The following CD300A variants were observed in gnomAD, a reference collection of about 807,000 sequenced individuals.
CD300A encodes CD300a molecule.
CD300A carries 22 observed loss-of-function variants against 33.6 expected under a neutral mutation model. That is an observed-to-expected ratio of 0.66 (90% CI 0.47 to 0.94). The LOEUF is 0.94. CD300A is among the 40% of genes least tolerant of loss of function. The pLI, the probability that CD300A is intolerant of heterozygous loss-of-function variation, is 0.00. For missense variants in CD300A, 326 were observed against 360.5 expected, an observed-to-expected ratio of 0.90 and a Z score of 0.77; for synonymous variants, 136 against 148.1, an observed-to-expected ratio of 0.92 and a Z score of 0.59.
chr17:74,473,539 G>C lies in CD300A; in HGVS notation c.44G>C (p.Cys15Ser), dbSNP rs141654515. 6.2e-7 allele frequency: 1 copy of C among 1,610,778 alleles called. No homozygotes were observed. Among genetic ancestry groups the C allele is most frequent in the African/African-American group, 1.3e-5 (1 of 74,864 alleles). ...GACTCTGGCTTGTGTTTTCCAGGATGTTTTGCTCTGAGCAAATGCAGGACC... is the reference window on the plus strand; with the variant it reads ...GACTCTGGCTTGTGTTTTCCAGGATCTTTTGCTCTGAGCAAATGCAGGACC... ...WALLLLWVPG[C>S]FALSKCRTVA... is the part of the protein sequence containing the mutation. The change falls in exon 2 of 7, where the codon TGT becomes TCT. Residue 15 changes from cysteine (C) to serine (S), a missense_variant. Coordinates refer to ENST00000360141, the MANE Select transcript of CD300A (RefSeq NM_007261.4).
chr17:74,481,922 G>T lies in CD300A; in HGVS notation c.774+89G>T, dbSNP rs1302645996. 40 of 915,694 alleles carry T rather than the reference G, an allele frequency of 4.4e-5. No individual in the cohort carries two copies. The South Asian group carries it at 5.7e-4, about 13-fold the overall frequency. The allele number at this position is 915,694 out of a possible 1,614,324, so 56.7% of individuals were successfully genotyped here. ...GGGTGGGCAGAAGGGGAAGGAAGGG[G>T]TCGGCTTGGTGATCTTGTGCCTGTC... On this transcript the variant is annotated intron_variant, in intron 6 of 6. Transcript: ENST00000360141.
Position 74,479,204 on chromosome 17 carries a change from T to C in CD300A, c.628+1674T>C, listed in dbSNP as rs115103185. Among the ~76,000 whole-genome samples, 762 of 152,258 alleles carry C rather than the reference T, an allele frequency of 5.0e-3. 4 individuals are homozygous for C. The highest frequency in any genetic ancestry group is 0.017 in the African/African-American group (713 of 41,534). On this transcript the variant is annotated intron_variant, in intron 4 of 6. Transcript: ENST00000360141. ...CTGAGGTATATCCTTCCAGTCTTTT[T>C]TTCTATGCCTATGTAAATGCATCTA...
intron 1 of CD300A, among the ~76,000 whole-genome samples, chr17:74,468,187 A>G (rs1295965801): frequency 6.6e-6 from 1 of 151,978 alleles, no homozygotes; most frequent in Non-Finnish European, 1.5e-5. Flanking sequence ...GGCATGTACC[A>G]CCATGCCTGG....
At chr17:74,474,824 T>C (rs2144518452) in intron 3 of CD300A, 139 bp downstream of exon 3, 3 of 718,380 alleles carry the variant, frequency 4.2e-6, no homozygotes, top group Non-Finnish European at 5.8e-6. Context: ...AGCCATAGTC[T>C]GAACACCCCG....
chr17:74,466,738 T>A lies in CD300A; in HGVS notation c.35T>A (p.Val12Asp), dbSNP rs780983278. 6.3e-7 allele frequency: 1 copy of A among 1,592,728 alleles called. No individual in the cohort carries two copies. The highest frequency in any genetic ancestry group is 8.6e-7 in the Non-Finnish European group (1 of 1,169,170). Residue 12 changes from valine to aspartate, a missense_variant, in exon 1 of 7, where the codon GTC becomes GAC. Transcript: ENST00000360141. The stretch of plus-strand genomic sequence containing the variant: ...CCTTGGGCTCTGTTGCTTCTCTGGG[T>A]CCCAGGTGAGAGTTTCCCTTCCCGG... ...WLPWALLLLWVPGCFALSKCR... is the reference protein window; with the variant it reads ...WLPWALLLLWDPGCFALSKCR...
rs1208328850 is a variant in CD300A, at chr17:74,480,160, AC to A, written c.629-1125del. The stretch of plus-strand genomic sequence containing the variant: ...AGCACTTGGAAGCAGGGCACTTCGC[AC>A]CCCAGAGTACCCGGCTGCGCACTCC... On this transcript the variant is annotated intron_variant, in intron 4 of 6. Transcript: ENST00000360141. The surrounding 1 kb of genome is among the most constrained non-coding windows in gnomAD (Gnocchi z 4.2). Among the ~76,000 whole-genome samples, 1 of 151,914 alleles carries A rather than the reference AC, an allele frequency of 6.6e-6. No individual in the cohort carries two copies. Among genetic ancestry groups the A allele is most frequent in the Non-Finnish European group, 1.5e-5 (1 of 67,978 alleles).
chr17:74,468,313 C>T (rs576439920), intron 1 of CD300A, among the ~76,000 whole-genome samples: 11 of 152,260 alleles, frequency 7.2e-5, no homozygotes, highest in East Asian at 5.8e-4. Flanking sequence ...GGATTGCAGG[C>T]GTGAGCCACC....
chr17:74,483,419 G>A (rs1487319615), intron 6 of CD300A, among the ~76,000 whole-genome samples: 4 of 149,136 alleles, frequency 2.7e-5, no homozygotes, highest in African/African-American at 9.9e-5. Context: ...GAGCAGTGGT[G>A]CAATCTTGGC....
At position 74,484,255 on chromosome 17, in the gene CD300A, T is replaced by C. The variant is rs1414646755; in HGVS notation, c.*129T>C. 56 of 1,017,980 alleles carry C rather than the reference T, an allele frequency of 5.5e-5. No individual in the cohort carries two copies. The highest frequency in any genetic ancestry group is 7.4e-5 in the Non-Finnish European group (52 of 702,266). 63.1% of individuals were successfully genotyped at this position (1,017,980 alleles called of 1,614,324 possible). On this transcript the variant is annotated 3_prime_UTR_variant, in exon 7 of 7. Coordinates refer to ENST00000360141, the MANE Select transcript of CD300A (RefSeq NM_007261.4). The stretch of plus-strand genomic sequence containing the variant: ...AGTGACCAACAGACAGGCAGCTGGG[T>C]TTCCCAGGCCATCCCTCTGTTGCCA...
Position 74,481,297 on chromosome 17 carries a change from C to T in CD300A, c.637C>T (p.His213Tyr), listed in dbSNP as rs776661293. The T allele has an allele frequency of 6.2e-7, 1 of 1,613,882 alleles. No individual in the cohort carries two copies. Among genetic ancestry groups the T allele is most frequent in the East Asian group, 2.2e-5 (1 of 44,834 alleles). Residue 213 changes from histidine to tyrosine, a missense_variant, in exon 5 of 7, where the codon CAT becomes TAT. Transcript: ENST00000360141. ...TCTCCTCTTGTCTCTAGCTGGTGAC[C>T]ATTCAGAGCTGTCCCAGAACCCCAA... The part of the protein sequence containing the change: ...MFQKWIKAGD[H>Y]SELSQNPKQA...
intron 5 of CD300A, 23 bp downstream of exon 5, chr17:74,481,349 T>A (rs1377287724): frequency 6.2e-7 from 1 of 1,611,640 alleles, no homozygotes; most frequent in Non-Finnish European, 8.5e-7. Context: ...TAGCAGGAGG[T>A]GTATCAGGTG....
chr17:74,478,831 C>A (rs148913640), intron 4 of CD300A, among the ~76,000 whole-genome samples: 1 of 152,172 alleles, frequency 6.6e-6, no homozygotes, highest in Non-Finnish European at 1.5e-5. Flanking sequence ...AGGCTTTTGG[C>A]GGAGAAATCA....
intron 3 of CD300A, among the ~76,000 whole-genome samples, chr17:74,476,956 A>C (rs1906504874): frequency 6.6e-6 from 1 of 152,212 alleles, no homozygotes; most frequent in East Asian, 1.9e-4. Flanking sequence ...GAAGGTTCTT[A>C]AGAACAGCAC....
intron 4 of CD300A, among the ~76,000 whole-genome samples, chr17:74,478,269 G>A (rs1312895836): frequency 6.6e-6 from 1 of 152,178 alleles, no homozygotes; most frequent in African/African-American, 2.4e-5. Context: ...CTATACCTCT[G>A]CTGTCACAGC....
Position 74,481,315 on chromosome 17 carries a change from A to G in CD300A, c.655A>G (p.Asn219Asp), listed in dbSNP as rs1395243341. The G allele has an allele frequency of 6.2e-7, 1 of 1,613,804 alleles. No individual in the cohort carries two copies. Among genetic ancestry groups the G allele is most frequent in the African/African-American group, 1.3e-5 (1 of 74,844 alleles). ...TGGTGACCATTCAGAGCTGTCCCAG[A>G]ACCCCAAGCAGGTAAGGGGGCTTTA... ...KAGDHSELSQ[N>D]PKQAATQSEL... The change falls in exon 5 of 7, where the codon AAC becomes GAC. Residue 219 changes from asparagine (N) to aspartate (D), a missense_variant. Physicochemically the swap from Asn to Asp is conservative, Grantham distance 23. Coordinates refer to ENST00000360141, the MANE Select transcript of CD300A (RefSeq NM_007261.4).
intron 3 of CD300A, among the ~76,000 whole-genome samples, chr17:74,477,083 G>A (rs1007473394): frequency 5.9e-5 from 9 of 152,126 alleles, no homozygotes; most frequent in African/African-American, 2.2e-4. Context: ...GTTAGAGAAG[G>A]AGACCAGGTA....
Position 74,480,386 on chromosome 17 carries a change from G to A in CD300A, c.629-903G>A, listed in dbSNP as rs181342064. 1.0e-3 allele frequency among the ~76,000 whole-genome samples: 154 copies of A among 152,282 alleles called. No individual in the cohort carries two copies. Among genetic ancestry groups the A allele is most frequent in the Middle Eastern group, 3.4e-3 (1 of 294 alleles). ...GTGTCACCCGCTGCCCACGTGGTCCGGGCTCCTGGGGTGAAAGGGTTAGGG... is the reference window on the plus strand; with the variant it reads ...GTGTCACCCGCTGCCCACGTGGTCCAGGCTCCTGGGGTGAAAGGGTTAGGG... On this transcript the variant is annotated intron_variant, in intron 4 of 6. Coordinates refer to ENST00000360141, the MANE Select transcript of CD300A (RefSeq NM_007261.4). The surrounding 1 kb of genome is among the most constrained non-coding windows in gnomAD (Gnocchi z 4.2).
rs1169136432 is a variant in CD300A, at chr17:74,480,159, C to T, written c.629-1130C>T. Among the ~76,000 whole-genome samples, 1 of 152,230 alleles carries T rather than the reference C, an allele frequency of 6.6e-6. No homozygotes were observed. The highest frequency in any genetic ancestry group is 1.9e-4 in the East Asian group (1 of 5,194). On this transcript the variant is annotated intron_variant, in intron 4 of 6. Transcript: ENST00000360141. This position sits in a 1 kb window ranked among gnomAD's most constrained non-coding sequence, Gnocchi z 4.2. ...CAGCACTTGGAAGCAGGGCACTTCG[C>T]ACCCCAGAGTACCCGGCTGCGCACT...
At chr17:74,474,740 C>T in intron 3 of CD300A, 55 bp downstream of exon 3, 1 of 1,585,526 alleles carries the variant, frequency 6.3e-7, no homozygotes. Context: ...GAGGAGGAGC[C>T]CAGGGCGGGG....
Sources: allele counts gnomAD v4.1 joint callset (sites outside exome capture counted in the v4.1 genomes callset), GRCh38; gene constraint gnomAD v4.1.1; non-coding constraint Gnocchi (gnomAD v3.1); transcripts MANE v1.5; gene names NCBI Gene and HGNC (gene_info 2026-07-23, HGNC 2026-07-21).